STPG2: variants seen among roughly 807,000 people sequenced by gnomAD.
STPG2 encodes sperm-tail PG-rich repeat-containing protein 2.
A neutral mutation model predicts 54.2 loss-of-function variants in STPG2; 56 were observed. The ratio of observed to expected loss-of-function variants is 1.03; its 90% CI spans 0.83 to 1.29. The LOEUF (loss-of-function observed/expected upper bound fraction) is 1.29, where lower values mean the gene tolerates loss of function less well. STPG2 is among the 50% of genes most tolerant of loss of function. The pLI is 0.00. For synonymous variants in STPG2, 200 were observed against 181.8 expected (o/e 1.10, Z -0.81); for missense variants, 596 against 544.9 (o/e 1.09, Z -0.93).
intron 9 of STPG2, among the ~76,000 whole-genome samples, chr4:97,816,702 TTTCCTTCC>T (rs538965512): frequency 1.3e-5 from 2 of 151,554 alleles, no homozygotes; most frequent in East Asian, 2.0e-4. Flanking sequence ...TCTATCTTCC[TTTCCTTCC>T]TTCCTTCCTT....
At chr4:97,816,294 C>A (rs988402879) in intron 9 of STPG2, among the ~76,000 whole-genome samples, 2 of 152,096 alleles carry the variant, frequency 1.3e-5, no homozygotes, top group African/African-American at 4.8e-5. Context: ...TAGTCATTTG[C>A]GTTGGTTCCA....
chr4:97,678,614 CTTCT>C (rs1206853497), intron 10 of STPG2, among the ~76,000 whole-genome samples: 2 of 151,034 alleles, frequency 1.3e-5, no homozygotes, highest in Non-Finnish European at 3.0e-5. Flanking sequence ...TATTTTTTGA[CTTCT>C]TTTATTTTAT....
At chr4:97,588,250 T>C (rs1184953791) in intron 10 of STPG2, among the ~76,000 whole-genome samples, 2 of 151,808 alleles carry the variant, frequency 1.3e-5, no homozygotes, top group East Asian at 1.9e-4. Flanking sequence ...AAAAGACTGA[T>C]AAATTTGATT....
chr4:98,051,163 A>G (rs1737309240), intron 5 of STPG2, among the ~76,000 whole-genome samples: 1 of 152,184 alleles, frequency 6.6e-6, no homozygotes, highest in South Asian at 2.1e-4. Flanking sequence ...GTAGCTAGCT[A>G]GAAATGCCAA....
intron 10 of STPG2, among the ~76,000 whole-genome samples, chr4:97,701,317 G>C (rs1578491496): frequency 6.6e-6 from 1 of 152,094 alleles, no homozygotes; most frequent in Non-Finnish European, 1.5e-5. Context: ...TCAGACCTGA[G>C]CTAAAACCCC....
chr4:98,115,413 C>T (rs544353514), intron 3 of STPG2, among the ~76,000 whole-genome samples: 1 of 151,984 alleles, frequency 6.6e-6, no homozygotes, highest in African/African-American at 2.4e-5. Flanking sequence ...AAGAAAGAAG[C>T]TAAACTTTAT....
intron 4 of STPG2, among the ~76,000 whole-genome samples, chr4:97,507,823 A>G (rs1698202750): frequency 6.6e-6 from 1 of 152,104 alleles, no homozygotes; most frequent in African/African-American, 2.4e-5. Context: ...GAGTCAGGGC[A>G]TGTTACCATT....
intron 5 of STPG2, chr4:98,025,618 A>G: frequency 1.3e-6 from 1 of 762,832 alleles, no homozygotes; most frequent in Non-Finnish European, 2.4e-6. Context: ...TCTGTGCAGC[A>G]TATGCACACG....
intron 9 of STPG2, among the ~76,000 whole-genome samples, chr4:97,833,754 C>T (rs970124343): frequency 4.0e-5 from 6 of 151,456 alleles, no homozygotes; most frequent in African/African-American, 1.5e-4. Flanking sequence ...ATATGAAAAA[C>T]AAAAAACCTC....
chr4:97,527,028 C>A (rs934753806), intron 4 of STPG2, among the ~76,000 whole-genome samples: 1 of 149,264 alleles, frequency 6.7e-6, no homozygotes, highest in African/African-American at 2.5e-5. Flanking sequence ...ACTTTAAGTT[C>A]TGGGATACAT....
intron 9 of STPG2, among the ~76,000 whole-genome samples, chr4:97,811,395 T>A (rs1033411863): frequency 1.3e-5 from 2 of 152,186 alleles, no homozygotes; most frequent in African/African-American, 4.8e-5. Context: ...CTTCATAACA[T>A]GGTTTTAGTG....
intron 4 of STPG2, among the ~76,000 whole-genome samples, chr4:97,458,920 T>C (rs1729590876): frequency 6.6e-6 from 1 of 152,092 alleles, no homozygotes; most frequent in African/African-American, 2.4e-5. Context: ...TGTAGAATAT[T>C]ATCAGGGCAA....
intron 5 of STPG2, among the ~76,000 whole-genome samples, chr4:98,098,505 A>G (rs1203554682): frequency 1.3e-5 from 2 of 152,226 alleles, no homozygotes; most frequent in Non-Finnish European, 2.9e-5. Flanking sequence ...CTATGACTCC[A>G]AAGTATGAAA....
At chr4:97,977,341 A>C (rs556959657) in intron 6 of STPG2, among the ~76,000 whole-genome samples, 1 of 152,322 alleles carries the variant, frequency 6.6e-6, no homozygotes, top group African/African-American at 2.4e-5. Context: ...AAATGTTATA[A>C]TCCTATTAAA....
rs181081686 is a variant in STPG2 at position 98,130,884 on chromosome 4, T to C, written c.223-2292A>G. Among the ~76,000 whole-genome samples the C allele has an allele frequency of 2.1e-3, 265 of 128,992 alleles. 14 individuals carry two copies. In the East Asian group the frequency reaches 0.05, roughly 24 times the overall value. The allele number at this position is 128,992 out of a possible 152,430, so 84.6% of individuals were successfully genotyped here. A position where few individuals can be genotyped will look rare whatever the true frequency, so the allele number is the denominator to read the frequency against. On this transcript the variant is annotated intron_variant, in intron 2 of 10. Transcript: ENST00000295268. ...TTGCAGTGAGCCGAGATCACGCCAC[T>C]GCACTCCAGCCTGGGAGACAGAGCG...
intron 5 of STPG2, among the ~76,000 whole-genome samples, chr4:98,059,032 T>C (rs150869467): frequency 2.3e-4 from 34 of 149,568 alleles, no homozygotes; most frequent in Non-Finnish European, 4.0e-4. Context: ...TGAAAACCCA[T>C]TCAAAAGATT....
chr4:97,631,757 C>G (rs1721288500), intron 10 of STPG2, among the ~76,000 whole-genome samples: 1 of 152,026 alleles, frequency 6.6e-6, no homozygotes, highest in African/African-American at 2.4e-5. Context: ...TTAGATTGTG[C>G]TAGGTTGTTG....
rs182883896 is a variant in STPG2, at chr4:97,948,542, A to G, written c.934-4535T>C. Among the ~76,000 whole-genome samples, 385 of 152,178 alleles carry G rather than the reference A, an allele frequency of 2.5e-3. 3 individuals are homozygous for G. The highest frequency in any genetic ancestry group is 8.7e-3 in the African/African-American group (362 of 41,544). On this transcript the variant is annotated intron_variant, in intron 7 of 10. Coordinates refer to ENST00000295268, the MANE Select transcript of STPG2 (RefSeq NM_174952.3). ...TTTGTGGTCTTTCAGGCTCTGATGT[A>G]GGCATTTAGTGCTACAAACATTCCT...
intron 9 of STPG2, among the ~76,000 whole-genome samples, chr4:97,723,432 T>C (rs765582747): frequency 1.3e-4 from 20 of 152,256 alleles, no homozygotes; most frequent in Non-Finnish European, 2.4e-4. Flanking sequence ...TTATGCAATA[T>C]ATTCATGCAG....
Sources: allele counts gnomAD v4.1 joint callset (sites outside exome capture counted in the v4.1 genomes callset), GRCh38; gene constraint gnomAD v4.1.1; transcripts MANE v1.5; gene names NCBI Gene and HGNC (gene_info 2026-07-23, HGNC 2026-07-21).